Variants in FOXP2 observed in about 807,000 individuals in gnomAD.
The protein encoded by FOXP2 is forkhead box protein P2.
A neutral mutation model predicts 115.8 loss-of-function variants in FOXP2; 12 were observed. That is an observed-to-expected ratio of 0.10 (90% CI 0.07 to 0.17). FOXP2 has a LOEUF of 0.17. Among genes scored for constraint, FOXP2 ranks in the 10% least tolerant of loss-of-function variants. The probability of loss-of-function intolerance (pLI) is 1.00; values close to 1 mark genes in which losing one functional copy is unlikely to be tolerated. For synonymous variants in FOXP2, 328 were observed against 297.7 expected (o/e 1.10, Z -1.05); for missense variants, 629 against 843.5 (o/e 0.75, Z 3.15).
intron 2 of FOXP2, among the ~76,000 whole-genome samples, chr7:114,454,015 A>C (rs1795179246): frequency 6.6e-6 from 1 of 152,082 alleles, no homozygotes; most frequent in Admixed American, 6.5e-5. Flanking sequence ...AAAATTGACA[A>C]ATGGGATCTA....
intron 1 of FOXP2, among the ~76,000 whole-genome samples, chr7:114,096,749 G>C (rs1250381057): frequency 6.6e-6 from 1 of 152,134 alleles, no homozygotes. Flanking sequence ...CGATGTAAGA[G>C]CAAAGTTTAA....
At chr7:114,543,508 A>G (rs999162327) in intron 3 of FOXP2, among the ~76,000 whole-genome samples, 5 of 151,922 alleles carry the variant, frequency 3.3e-5, no homozygotes, top group African/African-American at 4.9e-5. Flanking sequence ...AATTTCAATA[A>G]AATTTGCCCT....
intron 2 of FOXP2, among the ~76,000 whole-genome samples, chr7:114,470,767 G>A (rs1441839607): frequency 6.6e-6 from 1 of 151,926 alleles, no homozygotes; most frequent in African/African-American, 2.4e-5. Flanking sequence ...TACAAATCCA[G>A]TTAGACTTCC....
intron 2 of FOXP2, among the ~76,000 whole-genome samples, chr7:114,436,591 T>C (rs1794360073): frequency 1.3e-5 from 2 of 151,668 alleles, no homozygotes; most frequent in African/African-American, 2.4e-5. Flanking sequence ...GCAAATAAAA[T>C]ACCGAGCAAA....
intron 2 of FOXP2, among the ~76,000 whole-genome samples, chr7:114,323,046 T>C (rs576745900): frequency 5.9e-5 from 9 of 152,328 alleles, no homozygotes; most frequent in Admixed American, 5.2e-4. Context: ...TATATTCAAA[T>C]TTACTTCTGC....
rs565782324 is a variant in FOXP2, at chr7:114,121,413, C to T, written c.-247+33575C>T. On this transcript the variant is annotated intron_variant, in intron 1 of 19. Coordinates refer to the FOXP2 transcript ENST00000635638. ...ACTTTGTTATCGCAGCCCAAACTGA[C>T]AAAGACAGAAAGAAAGGGAAAAGAT... is the stretch of plus-strand genomic sequence containing the variant. Among the ~76,000 whole-genome samples the T allele has an allele frequency of 5.9e-5, 9 of 152,126 alleles. No homozygotes were observed. In the South Asian group the frequency reaches 1.9e-3, roughly 32 times the overall value.
intron 2 of FOXP2, among the ~76,000 whole-genome samples, chr7:114,454,630 CAAT>C (rs1478170264): frequency 4.4e-5 from 6 of 135,956 alleles, no homozygotes; most frequent in African/African-American, 1.8e-4. Flanking sequence ...AAATGTCCAA[CAAT>C]GATAGACTGG....
At chr7:114,411,610 C>A (rs1434518952), upstream of FOXP2, among the ~76,000 whole-genome samples, 1 of 152,046 alleles carries the variant, frequency 6.6e-6, no homozygotes, top group Non-Finnish European at 1.5e-5. Flanking sequence ...GTAAATGCCA[C>A]CGATTTAGTT....
intron 16 of FOXP2, chr7:114,668,721 T>A (rs1419801302): frequency 6.6e-6 from 1 of 152,188 alleles, no homozygotes; most frequent in East Asian, 1.9e-4. Context: ...TATCCCTACC[T>A]TAATGACAAG....
At chr7:114,211,139 C>T (rs1489380900) in intron 1 of FOXP2, among the ~76,000 whole-genome samples, 4 of 152,152 alleles carry the variant, frequency 2.6e-5, no homozygotes, top group African/African-American at 4.8e-5. Flanking sequence ...TACGAGGTGC[C>T]GTGGAATTGG....
intron 1 of FOXP2, among the ~76,000 whole-genome samples, chr7:114,141,024 G>A (rs538525519): frequency 6.6e-6 from 1 of 152,250 alleles, no homozygotes; most frequent in Admixed American, 6.5e-5. Context: ...GCTTGCTGTT[G>A]GCAACTCCCA....
Position 114,692,682 on chromosome 7 carries a change from A to G in FOXP2, c.*2756A>G, listed in dbSNP as rs1328476106. The stretch of plus-strand genomic sequence containing the variant: ...TTGAACTTCTGTGCATACCTTATAA[A>G]GCATAATGTCTGACAATTTAAATGG... On this transcript the variant is annotated 3_prime_UTR_variant, in exon 17 of 17. Transcript: ENST00000350908. 9 of 443,916 alleles carry G rather than the reference A, an allele frequency of 2.0e-5. No individual in the cohort carries two copies. Among genetic ancestry groups the G allele is most frequent in the Admixed American group, 2.0e-4 (8 of 40,806 alleles). 27.5% of individuals were successfully genotyped at this position (443,916 alleles called of 1,614,324 possible).
At position 114,123,875 on chromosome 7, in the gene FOXP2, A is replaced by G. The variant is rs917770329; in HGVS notation, c.-247+36037A>G. Among the ~76,000 whole-genome samples the G allele has an allele frequency of 7.9e-5, 12 of 152,166 alleles. No homozygotes were observed. In the South Asian group the frequency reaches 8.3e-4, roughly 11 times the overall value. On this transcript the variant is annotated intron_variant, in intron 1 of 19. Transcript: ENST00000635638. ...TTTTCTTATTAAGTAGAATTTTGACATTTTGTTAAGCTATGACAGAATCCA... is the reference window on the plus strand; with the variant it reads ...TTTTCTTATTAAGTAGAATTTTGACGTTTTGTTAAGCTATGACAGAATCCA...
In FOXP2 at chr7:114,516,961, T is replaced by C. The variant is rs192837869; in HGVS notation, c.169-17656T>C. Among the ~76,000 whole-genome samples the C allele has an allele frequency of 3.4e-3, 513 of 152,266 alleles. 2 individuals are homozygous for C. Among genetic ancestry groups the C allele is most frequent in the Middle Eastern group, 0.01 (3 of 294 alleles). ...CACCTGCCTCAGCCTCCAAAAGTGC[T>C]GGGATTACAGGTGTGAGCCACTGTG... On this transcript the variant is annotated intron_variant, in intron 2 of 16. Coordinates refer to ENST00000350908, the MANE Select transcript of FOXP2 (RefSeq NM_014491.4).
chr7:114,235,323 A>C (rs1028783502), intron 1 of FOXP2, among the ~76,000 whole-genome samples: 35 of 152,152 alleles, frequency 2.3e-4, no homozygotes, highest in African/African-American at 8.4e-4. Flanking sequence ...GTTACAGATT[A>C]TATAATCTTC....
At chr7:114,688,287 C>G (rs528858771) in intron 16 of FOXP2, among the ~76,000 whole-genome samples, 1 of 146,192 alleles carries the variant, frequency 6.8e-6, no homozygotes, top group East Asian at 2.0e-4. Flanking sequence ...TTTCAACATG[C>G]CTGGTTCAAA....
chr7:114,428,537 G>A (rs1473522255), intron 2 of FOXP2, among the ~76,000 whole-genome samples: 4 of 151,432 alleles, frequency 2.6e-5, no homozygotes, highest in Non-Finnish European at 5.9e-5. Context: ...AACACAATGG[G>A]TATGGTGGGT....
chr7:114,130,037 G>C (rs1355663455), intron 1 of FOXP2, among the ~76,000 whole-genome samples: 2 of 152,114 alleles, frequency 1.3e-5, no homozygotes, highest in Non-Finnish European at 2.9e-5. Flanking sequence ...AGTCTGCCTG[G>C]GTGTGGTGGC....
At chr7:114,118,721 A>G (rs763439733) in intron 1 of FOXP2, among the ~76,000 whole-genome samples, 5 of 152,118 alleles carry the variant, frequency 3.3e-5, no homozygotes, top group Non-Finnish European at 7.4e-5. Flanking sequence ...CGACCCCAAG[A>G]TCCATGTGTC....
Sources: gnomAD v4.1 joint callset for allele counts (sites outside exome capture counted in the v4.1 genomes callset) on GRCh38, gnomAD v4.1.1 for gene constraint, MANE v1.5 for transcripts, NCBI Gene and HGNC (gene_info 2026-07-23, HGNC 2026-07-21) for gene names.